Variants in MIDEAS observed in about 807,000 individuals in gnomAD.
MIDEAS encodes the protein mitotic deacetylase associated SANT domain protein.
A neutral mutation model predicts 102.7 loss-of-function variants in MIDEAS; 26 were observed. The observed-to-expected ratio is 0.25, with a 90% CI of 0.19 to 0.35. The LOEUF (loss-of-function observed/expected upper bound fraction) is 0.35, where lower values mean the gene tolerates loss of function less well. Ranked by LOEUF, MIDEAS falls within the 10% of genes least tolerant of loss-of-function variation. The pLI is 1.00. For missense variants in MIDEAS, 1,231 were observed against 1,435.6 expected (o/e 0.86, Z 2.30); for synonymous variants, 585 against 591.0 (o/e 0.99, Z 0.15).
intron 7 of MIDEAS, among the ~76,000 whole-genome samples, chr14:73,726,338 T>G (rs915765751): frequency 6.6e-6 from 1 of 152,196 alleles, no homozygotes; most frequent in Non-Finnish European, 1.5e-5. Flanking sequence ...GAGGCAGCAC[T>G]GCTGGAGAAG....
chr14:73,748,488 G>A (rs932621949), intron 1 of MIDEAS, among the ~76,000 whole-genome samples: 10 of 152,158 alleles, frequency 6.6e-5, no homozygotes, highest in Middle Eastern at 3.4e-3. Context: ...CCCAGATTGC[G>A]CCACTGCACT....
rs2053475928 is a variant in MIDEAS at position 73,756,124 on chromosome 14, A to G, written c.-248+3639T>C. 2.0e-5 allele frequency among the ~76,000 whole-genome samples: 3 copies of G among 152,134 alleles called. No individual in the cohort carries two copies. In the South Asian group the frequency reaches 6.2e-4, roughly 32 times the overall value. On this transcript the variant is annotated intron_variant, in intron 1 of 12. Transcript: ENST00000423556. ...ACTTCCTTCAGTCACTGCCCAAGTG[A>G]CTGTCCACACACCATCCAGGAACGG...
intron 1 of MIDEAS, among the ~76,000 whole-genome samples, chr14:73,754,394 C>A (rs1209572392): frequency 6.6e-6 from 1 of 152,208 alleles, no homozygotes; most frequent in Non-Finnish European, 1.5e-5. Flanking sequence ...AAATAAATAA[C>A]TATGGAGCCA....
At chr14:73,724,975 C>A in intron 9 of MIDEAS, 1 of 287,434 alleles carries the variant, frequency 3.5e-6, no homozygotes, top group East Asian at 8.0e-5. Context: ...ACTTGCCACC[C>A]TCCTCCGCAT....
At position 73,776,529 on chromosome 14, in the gene MIDEAS, C is replaced by CAAA. The variant is rs71460920; in HGVS notation, c.-248+10570_-248+10572dup. Among the ~76,000 whole-genome samples, 28 of 113,226 alleles carry CAAA rather than the reference C, an allele frequency of 2.5e-4. No homozygotes were observed. The Middle Eastern group carries it at 0.017, about 69-fold the overall frequency. The allele number at this position is 113,226 out of a possible 152,430, so 74.3% of individuals were successfully genotyped here. ...CAAAACCCCATCTCTGTTTAAATTA[C>CAAA]AAAAAAAAAAAAAAAAAAGATGTGG... On this transcript the variant is annotated intron_variant, in intron 1 of 11. Transcript: ENST00000394071.
In MIDEAS at chr14:73,739,391, T is replaced by C; in HGVS notation, c.618A>G (p.Lys206=). ...APLNSFHAAK[K]PPNQSLPLQP... ...GCAGGGGCAGTGACTGGTTTGGGGG[T>C]TTCTTGGCTGCGTGGAAAGAATTCA... Residue 206 remains lysine (K), a synonymous_variant, in exon 2 of 13, where the codon AAA becomes AAG. Transcript: ENST00000423556. 6.3e-7 allele frequency: 1 copy of C among 1,581,510 alleles called. No homozygotes were observed. The highest frequency in any genetic ancestry group is 8.6e-7 in the Non-Finnish European group (1 of 1,162,088).
rs760418849 is a variant in MIDEAS, at chr14:73,730,066, T to A, written c.1750-81A>T. ...AAGTCTTAACCACAGCTTGCCAGTC[T>A]CACCTTTGGAACTTAGTCTGCCTAC... On this transcript the variant is annotated intron_variant, in intron 3 of 12. Coordinates refer to ENST00000423556, the MANE Select transcript of MIDEAS (RefSeq NM_001367710.1). 2.1e-6 allele frequency: 3 copies of A among 1,422,308 alleles called. No homozygotes were observed. In the East Asian group the frequency reaches 7.3e-5, roughly 35 times the overall value. The allele number at this position is 1,422,308 out of a possible 1,614,324, so 88.1% of individuals were successfully genotyped here.
chr14:73,769,917 T>G lies in MIDEAS; in HGVS notation c.-248+17185A>C, dbSNP rs78614642. Among the ~76,000 whole-genome samples the G allele has an allele frequency of 7.8e-5, 11 of 140,798 alleles. No homozygotes were observed. The Admixed American group carries it at 8.0e-4, about 10-fold the overall frequency. The allele number at this position is 140,798 out of a possible 152,430, so 92.4% of individuals were successfully genotyped here. ...GCCCGGCTGGGTTTTTTTTTTTGTT[T>G]TTTTTTTTTAATTTTTGCGGGTATA... On this transcript the variant is annotated intron_variant, in intron 1 of 11. Transcript: ENST00000394071.
Position 73,717,548 on chromosome 14 carries a change from G to A in MIDEAS, c.*1295C>T, listed in dbSNP as rs536965340. Reference sequence around the variant, plus strand: ...CTCCACCTTCCCACGCTCTTTCAGTGTTGCTATCATTCCTATCAGCAAGAG... The same window carrying A: ...CTCCACCTTCCCACGCTCTTTCAGTATTGCTATCATTCCTATCAGCAAGAG... On this transcript the variant is annotated 3_prime_UTR_variant, in exon 13 of 13. Coordinates refer to ENST00000423556, the MANE Select transcript of MIDEAS (RefSeq NM_001367710.1). The A allele has an allele frequency of 6.5e-6, 1 of 152,762 alleles. No individual in the cohort carries two copies. The highest frequency in any genetic ancestry group is 1.9e-4 in the East Asian group (1 of 5,184). 9.5% of individuals were successfully genotyped at this position (152,762 alleles called of 1,614,324 possible). A position where few individuals can be genotyped will look rare whatever the true frequency, so the allele number is the denominator to read the frequency against.
At chr14:73,784,041 C>T (rs1222109258) in intron 1 of MIDEAS, among the ~76,000 whole-genome samples, 4 of 152,250 alleles carry the variant, frequency 2.6e-5, no homozygotes, top group Non-Finnish European at 5.9e-5. Flanking sequence ...GCATTGGCTT[C>T]TCTCAGTGGC....
intron 1 of MIDEAS, among the ~76,000 whole-genome samples, chr14:73,778,671 C>G (rs1012427647): frequency 1.3e-5 from 2 of 152,006 alleles, no homozygotes; most frequent in African/African-American, 4.8e-5. Flanking sequence ...AATGGGGAGG[C>G]TGAGGAGGGG....
At chr14:73,721,017 A>G (rs961193348) in intron 11 of MIDEAS, among the ~76,000 whole-genome samples, 1 of 152,186 alleles carries the variant, frequency 6.6e-6, no homozygotes, top group African/African-American at 2.4e-5. Flanking sequence ...ATACAGAAGC[A>G]GTAGAGTATA....
At chr14:73,757,476 T>A (rs923671313) in intron 1 of MIDEAS, among the ~76,000 whole-genome samples, 2 of 152,156 alleles carry the variant, frequency 1.3e-5, no homozygotes, top group African/African-American at 4.8e-5. Flanking sequence ...ACCACCACAC[T>A]GCAGTATGTA....
chr14:73,754,740 C>A (rs865854539), intron 1 of MIDEAS, among the ~76,000 whole-genome samples: 2 of 152,108 alleles, frequency 1.3e-5, no homozygotes, highest in Non-Finnish European at 2.9e-5. Context: ...CAGGAACTGC[C>A]AGCTCACATG....
intron 9 of MIDEAS, chr14:73,723,978 C>T (rs909032399): frequency 2.0e-5 from 3 of 152,194 alleles, no homozygotes; most frequent in South Asian, 2.1e-4. Context: ...GAGGAGGAAG[C>T]GAAAGGCCTA....
At chr14:73,734,553 G>A (rs1191055066) in intron 3 of MIDEAS, among the ~76,000 whole-genome samples, 1 of 151,982 alleles carries the variant, frequency 6.6e-6, no homozygotes, top group Non-Finnish European at 1.5e-5. Flanking sequence ...GACTACAGGT[G>A]TGCACCACCA....
intron 1 of MIDEAS, among the ~76,000 whole-genome samples, chr14:73,782,386 G>C (rs1411246130): frequency 1.3e-5 from 2 of 152,190 alleles, no homozygotes; most frequent in African/African-American, 4.8e-5. Flanking sequence ...TATATGAAGA[G>C]AGAGAGAGAA....
Position 73,718,822 on chromosome 14 carries a change from G to C in MIDEAS, c.*21C>G. Reference sequence around the variant, plus strand: ...GCGGGAAGGGCCGAGGCCCAGGACTGGGCCAGCCTGGCTCCCGCGCTCAGC... The same window carrying C: ...GCGGGAAGGGCCGAGGCCCAGGACTCGGCCAGCCTGGCTCCCGCGCTCAGC... On this transcript the variant is annotated 3_prime_UTR_variant, in exon 13 of 13. Coordinates refer to ENST00000423556, the MANE Select transcript of MIDEAS (RefSeq NM_001367710.1). 1 of 1,416,756 alleles carries C rather than the reference G, an allele frequency of 7.1e-7. No individual in the cohort carries two copies. Among genetic ancestry groups the C allele is most frequent in the South Asian group, 1.5e-5 (1 of 65,892 alleles). 87.8% of individuals were successfully genotyped at this position (1,416,756 alleles called of 1,614,324 possible). A position where few individuals can be genotyped will look rare whatever the true frequency, so the allele number is the denominator to read the frequency against.
intron 1 of MIDEAS, among the ~76,000 whole-genome samples, chr14:73,752,719 G>A (rs2053435702): frequency 6.6e-6 from 1 of 152,228 alleles, no homozygotes; most frequent in Non-Finnish European, 1.5e-5. Flanking sequence ...CCCTGGTCAA[G>A]ATGCAAGACT....
Sources: gnomAD v4.1 joint callset for allele counts (sites outside exome capture counted in the v4.1 genomes callset) on GRCh38, gnomAD v4.1.1 for gene constraint, MANE v1.5 for transcripts, NCBI Gene and HGNC (gene_info 2026-07-23, HGNC 2026-07-21) for gene names.